The following LRBA variants were observed in gnomAD, a reference collection of about 807,000 sequenced individuals.
LRBA encodes the protein LPS responsive beige-like anchor protein.
In LRBA, 176 loss-of-function variants were observed where a neutral mutation model predicts 330.0. The ratio of observed to expected loss-of-function variants is 0.53; its 90% CI spans 0.47 to 0.60. The LOEUF (loss-of-function observed/expected upper bound fraction) is 0.60, where lower values mean the gene tolerates loss of function less well. Ranked by LOEUF, LRBA falls within the 20% of genes least tolerant of loss-of-function variation. LRBA has a pLI of 0.00. For missense variants in LRBA, 3,259 were observed against 3,444.8 expected (o/e 0.95, Z 1.35); for synonymous variants, 1,230 against 1,193.0 (o/e 1.03, Z -0.64).
chr4:150,764,030 AC>A (rs1189500110), intron 34 of LRBA, among the ~76,000 whole-genome samples: 3 of 152,014 alleles, frequency 2.0e-5, no homozygotes, highest in African/African-American at 7.2e-5. Flanking sequence ...TTGACATAAT[AC>A]AAGAATAGGA....
chr4:150,963,107 A>C (rs915194653), intron 2 of LRBA, among the ~76,000 whole-genome samples: 2 of 148,606 alleles, frequency 1.3e-5, no homozygotes, highest in Admixed American at 6.6e-5. Context: ...ACTCAATATA[A>C]AAAGGGGCAA....
intron 40 of LRBA, among the ~76,000 whole-genome samples, chr4:150,566,618 A>G (rs1330371281): frequency 6.6e-6 from 1 of 152,098 alleles, no homozygotes. Flanking sequence ...AGATCAAGTA[A>G]CTGATACTAA....
chr4:150,315,574 G>A lies in LRBA; in HGVS notation c.7680C>T (p.Ile2560=), dbSNP rs765915676. 3 of 1,612,164 alleles carry A rather than the reference G, an allele frequency of 1.9e-6. No homozygotes were observed. Among genetic ancestry groups the A allele is most frequent in the Non-Finnish European group, 2.5e-6 (3 of 1,178,876 alleles). ...QDQPYQLPVE[I]DPLIASNTGM... is the part of the protein sequence containing the mutation. ...GAAGTGACAGACCTATGAGAGGATCGATTTCCACTGGCAGCTGGTATGGCT... is the reference window on the plus strand; with the variant it reads ...GAAGTGACAGACCTATGAGAGGATCAATTTCCACTGGCAGCTGGTATGGCT... Residue 2560 remains isoleucine, a synonymous_variant, in exon 51 of 57, where the codon ATC becomes ATT. Coordinates refer to ENST00000651943, the MANE Select transcript of LRBA (RefSeq NM_001364905.1).
chr4:150,654,098 C>A (rs1309712041), intron 37 of LRBA, among the ~76,000 whole-genome samples: 1 of 151,902 alleles, frequency 6.6e-6, no homozygotes, highest in Admixed American at 6.6e-5. Context: ...TCCAATTCAG[C>A]CATTGATTTA....
At chr4:150,510,847 T>C (rs1234416353) in intron 40 of LRBA, among the ~76,000 whole-genome samples, 1 of 151,928 alleles carries the variant, frequency 6.6e-6, no homozygotes, top group Non-Finnish European at 1.5e-5. Flanking sequence ...TTTTATTATT[T>C]TATTTATTTA....
At chr4:150,316,257 T>A (rs1035899434) in intron 50 of LRBA, among the ~76,000 whole-genome samples, 3 of 152,250 alleles carry the variant, frequency 2.0e-5, no homozygotes, top group Non-Finnish European at 4.4e-5. Context: ...ATGGTTTCAA[T>A]TTAAAAATAC....
At chr4:150,772,188 A>G (rs1338069863) in intron 34 of LRBA, among the ~76,000 whole-genome samples, 12 of 152,184 alleles carry the variant, frequency 7.9e-5, no homozygotes, top group African/African-American at 2.7e-4. Flanking sequence ...ATTCTTCACT[A>G]CAGTCCATCA....
chr4:150,942,462 C>T (rs1372383791), intron 2 of LRBA, among the ~76,000 whole-genome samples: 2 of 152,072 alleles, frequency 1.3e-5, no homozygotes, highest in Admixed American at 6.6e-5. Context: ...TCTCTGAGAA[C>T]CATTTTGACC....
intron 37 of LRBA, among the ~76,000 whole-genome samples, chr4:150,651,120 AATT>A (rs1301249971): frequency 6.6e-6 from 1 of 152,184 alleles, no homozygotes; most frequent in Non-Finnish European, 1.5e-5. Flanking sequence ...ATTATATGCT[AATT>A]ATTATACTGT....
At chr4:150,902,341 G>A (rs995934273) in intron 13 of LRBA, among the ~76,000 whole-genome samples, 2 of 152,092 alleles carry the variant, frequency 1.3e-5, no homozygotes, top group Non-Finnish European at 2.9e-5. Context: ...AATCTTGACT[G>A]CACATTAAAA....
chr4:150,435,525 T>G, intron 46 of LRBA, 64 bp downstream of exon 46: 24 of 1,514,378 alleles, frequency 1.6e-5, no homozygotes, highest in Non-Finnish European at 2.1e-5. Context: ...AGAGAAAATT[T>G]TCAACATTCA....
intron 37 of LRBA, among the ~76,000 whole-genome samples, chr4:150,672,454 A>C (rs1008501059): frequency 1.3e-5 from 2 of 152,116 alleles, no homozygotes; most frequent in Non-Finnish European, 2.9e-5. Context: ...TGTAAAAGTA[A>C]AACTAAGAAA....
chr4:150,928,766 A>C (rs1330032457), intron 3 of LRBA, 68 bp downstream of exon 3: 2 of 1,416,052 alleles, frequency 1.4e-6, no homozygotes, highest in East Asian at 4.7e-5. Flanking sequence ...AAATGGAATA[A>C]GAAAAATATG....
intron 40 of LRBA, among the ~76,000 whole-genome samples, chr4:150,568,494 T>C (rs1381617545): frequency 6.6e-6 from 1 of 152,172 alleles, no homozygotes; most frequent in African/African-American, 2.4e-5. Context: ...CTCCACTGTC[T>C]AGCAGGCAGC....
intron 29 of LRBA, among the ~76,000 whole-genome samples, chr4:150,830,446 C>T (rs1181915083): frequency 6.6e-6 from 1 of 152,178 alleles, no homozygotes. Flanking sequence ...GCTGCAGACA[C>T]ACAACCCCAG....
In LRBA at chr4:150,473,520, T is replaced by A. The variant is rs1024223367; in HGVS notation, c.6552-1781A>T. Among the ~76,000 whole-genome samples the A allele has an allele frequency of 9.2e-5, 14 of 152,268 alleles. 1 individual carries two copies. The highest frequency in any genetic ancestry group is 2.4e-4 in the African/African-American group (10 of 41,562). On this transcript the variant is annotated intron_variant, in intron 42 of 56. Coordinates refer to ENST00000651943, the MANE Select transcript of LRBA (RefSeq NM_001364905.1). Reference sequence around the variant, plus strand: ...GTATGGTGAGCATCATCCAGTCAATTGAGGACTGAATACAATGAGAAGGAG... The same window carrying A: ...GTATGGTGAGCATCATCCAGTCAATAGAGGACTGAATACAATGAGAAGGAG...
intron 47 of LRBA, among the ~76,000 whole-genome samples, chr4:150,391,993 AAAAAAC>A (rs1354325950): frequency 1.6e-4 from 24 of 151,718 alleles, no homozygotes; most frequent in Non-Finnish European, 3.2e-4. Flanking sequence ...AAAAAAAAAA[AAAAAAC>A]TTTACAAAAT....
intron 13 of LRBA, among the ~76,000 whole-genome samples, chr4:150,901,744 C>A (rs1390349863): frequency 6.6e-6 from 1 of 152,170 alleles, no homozygotes; most frequent in Non-Finnish European, 1.5e-5. Context: ...CTTGGAAGAT[C>A]ATTATAATTC....
At chr4:150,825,125 CA>C (rs1183817550) in intron 30 of LRBA, among the ~76,000 whole-genome samples, 2 of 151,638 alleles carry the variant, frequency 1.3e-5, no homozygotes, top group Non-Finnish European at 2.9e-5. Flanking sequence ...TAAAATATAT[CA>C]AAACTTACAA....
Sources: gnomAD v4.1 joint callset for allele counts (sites outside exome capture counted in the v4.1 genomes callset) on GRCh38, gnomAD v4.1.1 for gene constraint, MANE v1.5 for transcripts, NCBI Gene and HGNC (gene_info 2026-07-23, HGNC 2026-07-21) for gene names.